SLC8A1: variants seen among roughly 807,000 people sequenced by gnomAD.
SLC8A1 encodes the protein sodium/calcium exchanger 1.
SLC8A1 carries 18 observed loss-of-function variants against 68.3 expected under a neutral mutation model. The observed-to-expected ratio is 0.26, with a 90% CI of 0.18 to 0.39. The LOEUF is 0.39. Ranked by LOEUF, SLC8A1 falls within the 10% of genes least tolerant of loss-of-function variation. SLC8A1 has a pLI of 1.00. For missense variants in SLC8A1, 985 were observed against 1,156.7 expected (o/e 0.85, Z 2.15); for synonymous variants, 475 against 415.5 (o/e 1.14, Z -1.74).
At chr2:40,253,522 T>G (rs1421890188) in intron 2 of SLC8A1, among the ~76,000 whole-genome samples, 2 of 151,940 alleles carry the variant, frequency 1.3e-5, no homozygotes, top group Non-Finnish European at 2.9e-5. Context: ...TACAGTAGAA[T>G]GGTACTTAAA....
At chr2:40,364,345 C>G (rs1003418613) in intron 2 of SLC8A1, among the ~76,000 whole-genome samples, 1 of 151,418 alleles carries the variant, frequency 6.6e-6, no homozygotes, top group Non-Finnish European at 1.5e-5. Flanking sequence ...GCAATCACTA[C>G]GAGTTTGTGT....
intron 2 of SLC8A1, among the ~76,000 whole-genome samples, chr2:40,419,480 C>T (rs561430185): frequency 6.6e-6 from 1 of 152,034 alleles, no homozygotes; most frequent in African/African-American, 2.4e-5. Flanking sequence ...CTTTCTCTCC[C>T]CCTCCTTCTT....
intron 1 of SLC8A1, among the ~76,000 whole-genome samples, chr2:40,493,518 A>T (rs1209236493): frequency 6.6e-6 from 1 of 150,568 alleles, no homozygotes; most frequent in Non-Finnish European, 1.5e-5. Flanking sequence ...AAATAAAATA[A>T]AATTTAAAAA....
At chr2:40,241,579 C>T (rs1372081892) in intron 2 of SLC8A1, among the ~76,000 whole-genome samples, 1 of 152,206 alleles carries the variant, frequency 6.6e-6, no homozygotes, top group African/African-American at 2.4e-5. Context: ...CCCCTTTGAC[C>T]TCTTCTTTGC....
At chr2:40,435,921 G>A (rs1003512036) in intron 1 of SLC8A1, among the ~76,000 whole-genome samples, 1 of 151,012 alleles carries the variant, frequency 6.6e-6, no homozygotes, top group African/African-American at 2.4e-5. Context: ...GATTATAGGT[G>A]CCTGCCAACC....
intron 2 of SLC8A1, among the ~76,000 whole-genome samples, chr2:40,312,393 G>T (rs1375769017): frequency 2.6e-5 from 4 of 152,054 alleles, no homozygotes; most frequent in Admixed American, 6.6e-5. Context: ...GTGCCACTTT[G>T]CTCATCACAC....
chr2:40,353,770 C>T (rs1395923993), intron 2 of SLC8A1, among the ~76,000 whole-genome samples: 2 of 152,166 alleles, frequency 1.3e-5, no homozygotes, highest in Non-Finnish European at 2.9e-5. Flanking sequence ...TTTTCATTTT[C>T]CCAATCCATC....
intron 2 of SLC8A1, among the ~76,000 whole-genome samples, chr2:40,199,242 G>A (rs1354441103): frequency 2.0e-5 from 3 of 151,764 alleles, no homozygotes; most frequent in Admixed American, 2.0e-4. Context: ...GCATTACTCA[G>A]ATCTATCATA....
intron 1 of SLC8A1, among the ~76,000 whole-genome samples, chr2:40,460,707 G>A (rs1393241346): frequency 2.0e-5 from 3 of 152,118 alleles, no homozygotes; most frequent in Admixed American, 6.5e-5. Flanking sequence ...GAGTAGCTGG[G>A]ATTACAGGCA....
At chr2:40,239,431 TGA>T (rs920202873) in intron 2 of SLC8A1, among the ~76,000 whole-genome samples, 3 of 152,214 alleles carry the variant, frequency 2.0e-5, no homozygotes, top group Admixed American at 2.0e-4. Flanking sequence ...TTTTAAATGC[TGA>T]GAGACCTAAA....
At chr2:40,454,481 T>A (rs1237585724), upstream of SLC8A1, among the ~76,000 whole-genome samples, 1 of 96,892 alleles carries the variant, frequency 1.0e-5, no homozygotes, top group Non-Finnish European at 1.9e-5. Context: ...GTCTTAAGAC[T>A]TTTTTTTTTT....
intron 2 of SLC8A1, among the ~76,000 whole-genome samples, chr2:40,253,290 GTATATACACATATATACACA>G (rs200943124): frequency 2.0e-5 from 3 of 149,254 alleles, no homozygotes; most frequent in Non-Finnish European, 4.4e-5. Context: ...GTATATATGT[GTATATACACATATATACACA>G]TATATACACA....
At position 40,400,509 on chromosome 2, in the gene SLC8A1, T is replaced by C. The variant is rs980101642; in HGVS notation, c.1808+27964A>G. On this transcript the variant is annotated intron_variant, in intron 2 of 7. Coordinates refer to ENST00000406785, the Ensembl canonical transcript of SLC8A1. ...AACCATGCATTCACTAGACTCTTCT[T>C]TTCTAATCTTTTGTTTTCTCTTGGC... is the stretch of plus-strand genomic sequence containing the variant. Among the ~76,000 whole-genome samples the C allele has an allele frequency of 5.9e-5, 9 of 152,194 alleles. No individual in the cohort carries two copies. In the South Asian group the frequency reaches 1.4e-3, roughly 24 times the overall value.
chr2:40,324,665 C>G (rs2075609526), intron 2 of SLC8A1, among the ~76,000 whole-genome samples: 1 of 152,024 alleles, frequency 6.6e-6, no homozygotes, highest in South Asian at 2.1e-4. Flanking sequence ...CTCTCCCTTC[C>G]TTTCCCTTCC....
intron 2 of SLC8A1, among the ~76,000 whole-genome samples, chr2:40,401,907 G>A (rs766219873): frequency 6.6e-6 from 1 of 152,018 alleles, no homozygotes; most frequent in Admixed American, 6.6e-5. Context: ...AACTGTAATT[G>A]GGTACTAAAA....
intron 2 of SLC8A1, among the ~76,000 whole-genome samples, chr2:40,200,238 A>C (rs1192650482): frequency 6.0e-4 from 11 of 18,252 alleles, no homozygotes; most frequent in African/African-American, 2.1e-3. Flanking sequence ...ATATATATAT[A>C]AATATATATA....
At chr2:40,136,025 C>T (rs2040434759) in intron 7 of SLC8A1, among the ~76,000 whole-genome samples, 1 of 152,074 alleles carries the variant, frequency 6.6e-6, no homozygotes, top group Non-Finnish European at 1.5e-5. Context: ...CAGTCATTGG[C>T]ATATAGATGT....
At chr2:40,408,864 A>T (rs72948178) in intron 2 of SLC8A1, among the ~76,000 whole-genome samples, 3 of 152,154 alleles carry the variant, frequency 2.0e-5, no homozygotes, top group Non-Finnish European at 4.4e-5. Flanking sequence ...TAAGTATTGA[A>T]TCCAAAGACA....
chr2:40,348,810 G>C (rs1351642305), intron 2 of SLC8A1, among the ~76,000 whole-genome samples: 1 of 152,106 alleles, frequency 6.6e-6, no homozygotes, highest in East Asian at 1.9e-4. Context: ...GAAAGAAGTG[G>C]GTCAGTCTCC....
Sources: gnomAD v4.1 joint callset for allele counts (sites outside exome capture counted in the v4.1 genomes callset) on GRCh38, gnomAD v4.1.1 for gene constraint, MANE v1.5 for transcripts, NCBI Gene and HGNC (gene_info 2026-07-23, HGNC 2026-07-21) for gene names.